The following SLC6A16 variants were observed in gnomAD, a reference collection of about 807,000 sequenced individuals.
SLC6A16 encodes orphan sodium- and chloride-dependent neurotransmitter transporter NTT5.
In SLC6A16, 54 loss-of-function variants were observed where a neutral mutation model predicts 65.4. That is an observed-to-expected ratio of 0.83 (90% CI 0.66 to 1.04). The LOEUF (loss-of-function observed/expected upper bound fraction) is 1.04. Among genes scored for constraint, SLC6A16 ranks in the 50% least tolerant of loss-of-function variants. SLC6A16 has a pLI of 0.00. For synonymous variants in SLC6A16, 330 were observed against 346.5 expected, an observed-to-expected ratio of 0.95 and a Z score of 0.53; for missense variants, 816 against 914.0, an observed-to-expected ratio of 0.89 and a Z score of 1.38.
the SLC6A16 span, chr19:49,337,651 G>A: frequency 3.3e-6 from 5 of 1,514,800 alleles, no homozygotes; most frequent in Non-Finnish European, 4.4e-6. Flanking sequence ...TGGACCAAGG[G>A]AGACAGGCAT....
chr19:49,327,947 G>A (rs980750866), upstream of SLC6A16, among the ~76,000 whole-genome samples: 11 of 152,222 alleles, frequency 7.2e-5, no homozygotes, highest in Non-Finnish European at 1.6e-4. Flanking sequence ...CAGAGCAGTG[G>A]CAGGGGCCAG....
At position 49,312,323 on chromosome 19, in the gene SLC6A16, C is replaced by A. The variant is rs61632740; in HGVS notation, c.-64-912G>T. Among the ~76,000 whole-genome samples the A allele has an allele frequency of 8.4e-3, 1,284 of 152,340 alleles. 17 individuals carry two copies. Among genetic ancestry groups the A allele is most frequent in the African/African-American group, 0.029 (1,197 of 41,572 alleles). On this transcript the variant is annotated intron_variant, in intron 1 of 11. Coordinates refer to ENST00000335875, the MANE Select transcript of SLC6A16 (RefSeq NM_014037.3). ...TTTCTAATCTGTAAAACACTCAGAT[C>A]TCTGCTCAAATATAGCCTCACCAGA... is the stretch of plus-strand genomic sequence containing the variant.
In SLC6A16 at chr19:49,305,098, A is replaced by T. The variant is rs1970357939; in HGVS notation, c.1229+3778T>A. ...CTGGGGTAGCTTTTTTACTTCCTTC[A>T]ACCAAGAAATGTAGCAGCAATGGAA... On this transcript the variant is annotated intron_variant, in intron 7 of 11. Transcript: ENST00000335875. Among the ~76,000 whole-genome samples the T allele has an allele frequency of 3.3e-5, 5 of 152,198 alleles. No individual in the cohort carries two copies. The South Asian group carries it at 1.0e-3, about 32-fold the overall frequency.
At chr19:49,329,911 G>A (rs1970832546), upstream of SLC6A16, among the ~76,000 whole-genome samples, 1 of 152,012 alleles carries the variant, frequency 6.6e-6, no homozygotes, top group Non-Finnish European at 1.5e-5. Flanking sequence ...GGGATTACAG[G>A]CGTGAGCCAC....
intron 9 of SLC6A16, 68 bp from the exon 10 acceptor site, chr19:49,293,450 C>T (rs2146069449): frequency 1.3e-6 from 2 of 1,509,752 alleles, no homozygotes; most frequent in Non-Finnish European, 1.8e-6. Flanking sequence ...TAAGTAGAGG[C>T]CATAGACCAG....
intron 1 of SLC6A16, among the ~76,000 whole-genome samples, chr19:49,322,008 T>A (rs1481136738): frequency 6.6e-6 from 1 of 151,968 alleles, no homozygotes; most frequent in Non-Finnish European, 1.5e-5. Context: ...GATAAAAGAC[T>A]GTAAGCTTTT....
Position 49,289,766 on chromosome 19 carries a change from T to C in SLC6A16, c.*357A>G. 4.1e-6 allele frequency: 1 copy of C among 245,668 alleles called. No homozygotes were observed. The allele number at this position is 245,668 out of a possible 1,614,324, so 15.2% of individuals were successfully genotyped here. A position where few individuals can be genotyped will look rare whatever the true frequency, so the allele number is the denominator to read the frequency against. ...AAAAGATCTGCTTACATCCAGTCCT[T>C]GGAGTTCCAGTAGACTGATTTATTC... On this transcript the variant is annotated 3_prime_UTR_variant, in exon 12 of 12. Coordinates refer to ENST00000335875, the MANE Select transcript of SLC6A16 (RefSeq NM_014037.3).
chr19:49,301,873 A>T (rs1970297819), intron 7 of SLC6A16, among the ~76,000 whole-genome samples: 1 of 152,154 alleles, frequency 6.6e-6, no homozygotes, highest in African/African-American at 2.4e-5. Context: ...GCTCTGAGCC[A>T]AGGACCCAGC....
chr19:49,290,377 G>A lies in SLC6A16; in HGVS notation c.1957C>T (p.Arg653Ter), dbSNP rs774455736. Reference sequence around the variant, plus strand: ...AGCAGTGCCCACGGTGGGTATGGTCGAAGCACCTCTTTTGACTGTGGAGAG... The same window carrying A: ...AGCAGTGCCCACGGTGGGTATGGTCAAAGCACCTCTTTTGACTGTGGAGAG... ...WDSSTSKEVL[R>*]PYPPWALLLM... Residue 653 changes from arginine to a stop codon, truncating the protein, a stop_gained, in exon 12 of 12, where the codon CGA becomes TGA. Transcript: ENST00000335875. LOFTEE classifies it low-confidence loss of function (END_TRUNC). The A allele has an allele frequency of 3.4e-5, 55 of 1,612,848 alleles. No individual in the cohort carries two copies. Among genetic ancestry groups the A allele is most frequent in the African/African-American group, 4.0e-5 (3 of 74,852 alleles).
chr19:49,310,532 G>T (rs1970499376), intron 2 of SLC6A16, 22 bp from the exon 3 acceptor site: 1 of 1,613,488 alleles, frequency 6.2e-7, no homozygotes, highest in Non-Finnish European at 8.5e-7. Context: ...ATTCAGAAGG[G>T]ACTCTGAGAA....
At chr19:49,333,857 CT>C in the SLC6A16 span, among the ~76,000 whole-genome samples, 1 of 152,208 alleles carries the variant, frequency 6.6e-6, no homozygotes, top group Non-Finnish European at 1.5e-5. Context: ...TCAGAGGAAA[CT>C]GCAGAGGCCA....
chr19:49,311,313 A>G lies in SLC6A16; in HGVS notation c.35T>C (p.Leu12Pro). 1 of 1,601,618 alleles carries G rather than the reference A, an allele frequency of 6.2e-7. No individual in the cohort carries two copies. Among genetic ancestry groups the G allele is most frequent in the Non-Finnish European group, 8.5e-7 (1 of 1,174,364 alleles). ...KTEAQPSTSL[L>P]ANTSWTGTVI... is the part of the protein sequence containing the mutation. ...TGTGCCAGTCCATGAGGTGTTTGCC[A>G]GCAAGGATGTCGAAGGCTGGGCCTC... The change falls in exon 2 of 12, where the codon CTG becomes CCG. Residue 12 changes from leucine (L) to proline (P), a missense_variant. Coordinates refer to ENST00000335875, the MANE Select transcript of SLC6A16 (RefSeq NM_014037.3).
At position 49,307,051 on chromosome 19, in the gene SLC6A16, C is replaced by CTTTTTTTTTT. The variant is rs1197711801; in HGVS notation, c.1229+1815_1229+1824dup. On this transcript the variant is annotated intron_variant, in intron 7 of 11. Transcript: ENST00000335875. ...GTTACACAGTGCATTGTTTTATACA[C>CTTTTTTTTTT]TTTTTTTTTTTTTTTGTTAGAGGAA... is the stretch of plus-strand genomic sequence containing the variant. Among the ~76,000 whole-genome samples the CTTTTTTTTTT allele has an allele frequency of 2.2e-3, 134 of 60,980 alleles. 4 individuals carry two copies. The highest frequency in any genetic ancestry group is 5.5e-3 in the African/African-American group (63 of 11,548). 40.0% of individuals were successfully genotyped at this position (60,980 alleles called of 152,430 possible).
At chr19:49,304,713 G>C (rs1478128447) in intron 7 of SLC6A16, among the ~76,000 whole-genome samples, 3 of 152,180 alleles carry the variant, frequency 2.0e-5, no homozygotes, top group Non-Finnish European at 4.4e-5. Context: ...CACTCCACCA[G>C]GTGAGAGAAA....
the SLC6A16 span, chr19:49,335,374 G>C: frequency 1.6e-6 from 1 of 632,834 alleles, no homozygotes; most frequent in South Asian, 1.9e-5. The surrounding 1 kb of genome is among the most constrained non-coding windows in gnomAD (Gnocchi z 4.6). Flanking sequence ...TACATGAAGC[G>C]GGAGTGGGTG....
the SLC6A16 span, chr19:49,339,403 G>T: frequency 6.2e-7 from 1 of 1,613,742 alleles, no homozygotes; most frequent in East Asian, 2.2e-5. The surrounding 1 kb of genome is among the most constrained non-coding windows in gnomAD (Gnocchi z 4.5). Context: ...CTGGGCGTCG[G>T]CCTACTCGAG....
chr19:49,307,589 G>C (rs1970416936), intron 7 of SLC6A16, among the ~76,000 whole-genome samples: 1 of 151,758 alleles, frequency 6.6e-6, no homozygotes, highest in South Asian at 2.1e-4. Context: ...CCAGCTCTTT[G>C]GGAGGCAGAG....
At chr19:49,309,595 T>A (rs1485080270) in intron 5 of SLC6A16, 56 bp downstream of exon 5, 3 of 1,518,122 alleles carry the variant, frequency 2.0e-6, no homozygotes, top group Non-Finnish European at 2.7e-6. Context: ...AGTAACAAAT[T>A]GAGGTAAGGG....
At chr19:49,333,990 G>A in the SLC6A16 span, among the ~76,000 whole-genome samples, 4 of 152,210 alleles carry the variant, frequency 2.6e-5, no homozygotes, top group Non-Finnish European at 5.9e-5. Flanking sequence ...AGGAAGTACC[G>A]CCTGATGCTC....
Sources: allele counts gnomAD v4.1 joint callset (sites outside exome capture counted in the v4.1 genomes callset), GRCh38; gene constraint gnomAD v4.1.1; non-coding constraint Gnocchi (gnomAD v3.1); transcripts MANE v1.5; gene names NCBI Gene and HGNC (gene_info 2026-07-23, HGNC 2026-07-21).